The following DST variants were observed in gnomAD, a reference collection of about 807,000 sequenced individuals.
The protein encoded by DST is bullous pemphigoid antigen.
A neutral mutation model predicts 875.2 loss-of-function variants in DST; 253 were observed. That is an observed-to-expected ratio of 0.29 (90% CI 0.26 to 0.32). The LOEUF is 0.32. DST is among the 10% of genes least tolerant of loss of function. DST has a pLI of 1.00. For synonymous variants in DST, 3,124 were observed against 3,197.1 expected (o/e 0.98, Z 0.77); for missense variants, 8,287 against 9,111.6 (o/e 0.91, Z 3.68).
chr6:56,627,096 TGAA>T, intron 34 of DST, 105 bp downstream of exon 34: 1 of 882,968 alleles, frequency 1.1e-6, no homozygotes, highest in Non-Finnish European at 1.9e-6. Context: ...AAAGTTCAAA[TGAA>T]GATTCTTTTA....
At position 56,627,307 on chromosome 6, in the gene DST, A is replaced by G. The variant is rs372551444; in HGVS notation, c.4639-20T>C. On this transcript the variant is annotated intron_variant, in intron 33 of 103. Coordinates refer to ENST00000680361, the MANE Select transcript of DST (RefSeq NM_001374736.1). ...CAGCATCTATAAATATACACAGTTT[A>G]GAACAAAAATGACAAGGAATTCAGC... is the stretch of plus-strand genomic sequence containing the variant. 4 of 1,568,908 alleles carry G rather than the reference A, an allele frequency of 2.5e-6. No individual in the cohort carries two copies. The highest frequency in any genetic ancestry group is 1.1e-5 in the South Asian group (1 of 90,248).
Position 56,604,525 on chromosome 6 carries a change from A to T in DST, c.10103T>A (p.Met3368Lys). ...ILKSRLKEGH[M>K]NPQEVEEPSA... ...AGGTTCTTCAACCTCTTGAGGGTTC[A>T]TATGACCTTCTTTCAACCTGCTTTT... The change falls in exon 40 of 104, where the codon ATG (methionine) becomes AAG (lysine). Residue 3368 changes from methionine to lysine, a missense_variant. This residue lies in a region of DST where 3,138 missense variants were observed against 3,116.6 expected (regional missense o/e 1.01). Transcript: ENST00000680361. The T allele has an allele frequency of 1.2e-6, 2 of 1,612,576 alleles. No homozygotes were observed. The highest frequency in any genetic ancestry group is 1.7e-6 in the Non-Finnish European group (2 of 1,179,128).
chr6:56,632,733 T>C, intron 28 of DST, 121 bp downstream of exon 28: 2 of 771,508 alleles, frequency 2.6e-6, no homozygotes, highest in South Asian at 1.5e-5. Flanking sequence ...CCACCAATTG[T>C]GTCTACATAT....
chr6:56,607,980 C>T lies in DST; in HGVS notation c.6648G>A (p.Gly2216=), dbSNP rs2098513076. The T allele has an allele frequency of 6.2e-7, 1 of 1,613,476 alleles. No individual in the cohort carries two copies. Among genetic ancestry groups the T allele is most frequent in the East Asian group, 2.2e-5 (1 of 44,856 alleles). ...MINSYMDANT[G]QRLLLYDGDL... is the part of the protein sequence containing the mutation. ...CTCCATCGTACAGCAAAAGCCTTTG[C>T]CCTGTGTTTGCATCCATATAGCTAT... is the stretch of plus-strand genomic sequence containing the variant. Residue 2216 remains glycine (G), a synonymous_variant, in exon 40 of 104, where the codon GGG becomes GGA. Coordinates refer to ENST00000680361, the MANE Select transcript of DST (RefSeq NM_001374736.1).
At chr6:56,711,952 G>T (rs893887983) in intron 5 of DST, among the ~76,000 whole-genome samples, 1 of 150,564 alleles carries the variant, frequency 6.6e-6, no homozygotes, top group East Asian at 1.9e-4. Context: ...TTAGCCGGGC[G>T]TAGTGGCGGG....
intron 100 of DST, chr6:56,463,998 T>C (rs942751970): frequency 1.6e-6 from 1 of 623,716 alleles, no homozygotes; most frequent in Non-Finnish European, 3.0e-6. Flanking sequence ...AGTGTGCTTA[T>C]TCTAACACTA....
chr6:56,603,970 T>C lies in DST; in HGVS notation c.10658A>G (p.Glu3553Gly), dbSNP rs369049352. 5 of 1,610,648 alleles carry C rather than the reference T, an allele frequency of 3.1e-6. No individual in the cohort carries two copies. Among genetic ancestry groups the C allele is most frequent in the African/African-American group, 2.7e-5 (2 of 74,984 alleles). ...TGTTGATGCCCACACAGTAGAGCTT[T>C]CTAGTCCAATTTCTTTTACAGTTTC... is the stretch of plus-strand genomic sequence containing the variant. ...NLETVKEIGL[E>G]SSTVWASTLP... The change falls in exon 40 of 104, where the codon GAA becomes GGA. Residue 3553 changes from glutamate (E) to glycine (G), a missense_variant. By Grantham distance (98) the Glu-to-Gly change is moderately conservative. Transcript: ENST00000680361.
chr6:56,719,853 G>T (rs955463144), intron 5 of DST, among the ~76,000 whole-genome samples: 1 of 152,182 alleles, frequency 6.6e-6, no homozygotes, highest in Admixed American at 6.5e-5. Context: ...AGGAGTGTAC[G>T]ATAGGGTGTG....
chr6:56,626,989 G>A (rs186041988), intron 34 of DST, among the ~76,000 whole-genome samples: 31 of 152,280 alleles, frequency 2.0e-4, no homozygotes, highest in Admixed American at 1.8e-3. Context: ...GTGGCTGGGA[G>A]TGGCAGGGGT....
chr6:56,780,476 GTGA>G (rs1362832280), intron 4 of DST, among the ~76,000 whole-genome samples: 1 of 151,502 alleles, frequency 6.6e-6, no homozygotes, highest in Non-Finnish European at 1.5e-5. Context: ...CTGATGGCCA[GTGA>G]TGATGAGCAT....
chr6:56,935,154 T>C (rs1471623895), intron 2 of DST, among the ~76,000 whole-genome samples: 1 of 152,210 alleles, frequency 6.6e-6, no homozygotes, highest in African/African-American at 2.4e-5. Flanking sequence ...AATTGTAATA[T>C]AGCAGTAGCC....
At chr6:56,930,595 G>A (rs980577982) in intron 2 of DST, among the ~76,000 whole-genome samples, 10 of 152,154 alleles carry the variant, frequency 6.6e-5, no homozygotes, top group Admixed American at 1.3e-4. Context: ...GATTCTAGAC[G>A]GGCTTTAATT....
At chr6:56,592,058 G>A in intron 49 of DST, 124 bp downstream of exon 49, 3 of 823,596 alleles carry the variant, frequency 3.6e-6, no homozygotes, top group Non-Finnish European at 3.9e-6. Flanking sequence ...TACCTCTGGA[G>A]GCAGAAGTAT....
intron 4 of DST, among the ~76,000 whole-genome samples, chr6:56,766,013 T>C (rs1035307975): frequency 2.0e-5 from 3 of 152,208 alleles, no homozygotes; most frequent in African/African-American, 7.2e-5. Flanking sequence ...ACTTAGCTAG[T>C]CACACGCACA....
At chr6:56,814,938 G>T (rs923696572) in intron 4 of DST, among the ~76,000 whole-genome samples, 1 of 152,088 alleles carries the variant, frequency 6.6e-6, no homozygotes, top group African/African-American at 2.4e-5. Flanking sequence ...ATGAGAGGCA[G>T]GACGGTGGCA....
Position 56,636,666 on chromosome 6 carries a change from C to T in DST, c.2965-14G>A, listed in dbSNP as rs748847742. On this transcript the variant is annotated splice_polypyrimidine_tract_variant and intron_variant, in intron 22 of 103. Transcript: ENST00000680361. ...CGCTCTGTAGGCCTTAAAGATAAAA[C>T]AGAGCCATCATAACTGACTGGGGAG... The T allele has an allele frequency of 1.2e-6, 2 of 1,607,216 alleles. No homozygotes were observed. The highest frequency in any genetic ancestry group is 1.7e-6 in the Non-Finnish European group (2 of 1,174,826).
At chr6:56,756,581 C>T (rs562200572) in intron 4 of DST, among the ~76,000 whole-genome samples, 1 of 152,230 alleles carries the variant, frequency 6.6e-6, no homozygotes, top group South Asian at 2.1e-4. Flanking sequence ...ACAGTGTTTT[C>T]CCCAGAAATG....
chr6:56,491,696 A>C (rs2095749825), intron 85 of DST, among the ~76,000 whole-genome samples: 1 of 152,196 alleles, frequency 6.6e-6, no homozygotes, highest in African/African-American at 2.4e-5. Flanking sequence ...GAAGAAATGA[A>C]GGTCTGTCAA....
intron 69 of DST, among the ~76,000 whole-genome samples, 160 bp downstream of exon 69, chr6:56,526,201 G>A (rs888014533): frequency 2.6e-5 from 4 of 152,182 alleles, no homozygotes; most frequent in South Asian, 2.1e-4. Context: ...GTGCTCAGAC[G>A]TCGAAGAAGC....
Sources: allele counts gnomAD v4.1 joint callset (sites outside exome capture counted in the v4.1 genomes callset), GRCh38; gene constraint gnomAD v4.1.1; regional missense constraint gnomAD v4.1.1; transcripts MANE v1.5; gene names NCBI Gene and HGNC (gene_info 2026-07-23, HGNC 2026-07-21).